The following KCNQ5 variants were observed in gnomAD, a reference collection of about 807,000 sequenced individuals.
The protein encoded by KCNQ5 is potassium voltage-gated channel subfamily Q member 5.
Under a neutral mutation model 98.2 loss-of-function variants are expected in KCNQ5, and 30 were observed. The ratio of observed to expected loss-of-function variants is 0.31; its 90% confidence interval spans 0.23 to 0.41. The LOEUF is 0.41. Among genes scored for constraint, KCNQ5 ranks in the 10% least tolerant of loss-of-function variants. KCNQ5 has a pLI of 1.00. For synonymous variants in KCNQ5, 458 were observed against 449.4 expected (o/e 1.02, Z -0.24); for missense variants, 835 against 1,182.5 (o/e 0.71, Z 4.31).
chr6:72,717,999 G>A (rs1378442566), intron 1 of KCNQ5, among the ~76,000 whole-genome samples: 1 of 152,036 alleles, frequency 6.6e-6, no homozygotes, highest in African/African-American at 2.4e-5. Context: ...AACATCATAT[G>A]CCAGTCATTA....
chr6:73,159,590 CA>C (rs1777528410), intron 10 of KCNQ5, among the ~76,000 whole-genome samples: 1 of 152,088 alleles, frequency 6.6e-6, no homozygotes, highest in African/African-American at 2.4e-5. Flanking sequence ...CAAAGTGTAC[CA>C]AATTCATGTC....
At chr6:72,910,826 CTA>C (rs2150205228) in intron 1 of KCNQ5, among the ~76,000 whole-genome samples, 1 of 152,244 alleles carries the variant, frequency 6.6e-6, no homozygotes, top group Admixed American at 6.5e-5. Context: ...GGTACTCACT[CTA>C]TGAGCAGCAC....
chr6:73,104,339 A>G (rs1289311721), intron 5 of KCNQ5, among the ~76,000 whole-genome samples: 1 of 152,200 alleles, frequency 6.6e-6, no homozygotes, highest in African/African-American at 2.4e-5. Context: ...CAAGAGAGCA[A>G]TCCCATTTAC....
chr6:72,866,923 A>G (rs1778011334), intron 1 of KCNQ5, among the ~76,000 whole-genome samples: 2 of 152,200 alleles, frequency 1.3e-5, no homozygotes, highest in African/African-American at 4.8e-5. Context: ...CTTTATCTGC[A>G]TGAGCTCAAA....
At chr6:72,910,513 A>G (rs950801502) in intron 1 of KCNQ5, among the ~76,000 whole-genome samples, 2 of 151,878 alleles carry the variant, frequency 1.3e-5, no homozygotes, top group Non-Finnish European at 2.9e-5. Context: ...ACATTCATAA[A>G]CCTAAACCTT....
intron 1 of KCNQ5, among the ~76,000 whole-genome samples, chr6:72,648,100 GTT>G (rs1765689735): frequency 6.6e-6 from 1 of 151,922 alleles, no homozygotes; most frequent in Non-Finnish European, 1.5e-5. Flanking sequence ...TGGTAATTAA[GTT>G]TGATAATTAT....
intron 1 of KCNQ5, among the ~76,000 whole-genome samples, chr6:72,938,190 GA>G (rs1766035708): frequency 6.6e-6 from 1 of 152,030 alleles, no homozygotes; most frequent in South Asian, 2.1e-4. Context: ...AGCATTTCCT[GA>G]GGCACTGGGG....
chr6:73,046,574 A>ATTTAT (rs535573247), intron 3 of KCNQ5, among the ~76,000 whole-genome samples: 2 of 148,838 alleles, frequency 1.3e-5, no homozygotes, highest in African/African-American at 5.0e-5. Flanking sequence ...TAATGTCCTT[A>ATTTAT]TTTATTTTAT....
At chr6:72,902,486 C>T (rs546431944) in intron 1 of KCNQ5, among the ~76,000 whole-genome samples, 4 of 152,176 alleles carry the variant, frequency 2.6e-5, no homozygotes, top group Admixed American at 2.0e-4. Flanking sequence ...GTTTGTCATA[C>T]ATGACTTTTA....
intron 1 of KCNQ5, among the ~76,000 whole-genome samples, chr6:72,771,684 G>GTT (rs1772897898): frequency 6.6e-6 from 1 of 150,540 alleles, no homozygotes. Context: ...GTGTGTGTGT[G>GTT]TATAACATCA....
At chr6:72,986,503 C>T in intron 1 of KCNQ5, 1 of 515,730 alleles carries the variant, frequency 1.9e-6, no homozygotes, top group Non-Finnish European at 3.5e-6. Context: ...AGAGCCACAT[C>T]CCCCTCTAAG....
chr6:73,173,776 C>T (rs1406282819), intron 11 of KCNQ5, among the ~76,000 whole-genome samples: 3 of 151,216 alleles, frequency 2.0e-5, no homozygotes, highest in Non-Finnish European at 4.4e-5. Context: ...ATGGTGAAAC[C>T]CTGTCTCTAA....
intron 1 of KCNQ5, among the ~76,000 whole-genome samples, chr6:72,834,159 G>A (rs1025577603): frequency 6.6e-6 from 1 of 152,022 alleles, no homozygotes; most frequent in Non-Finnish European, 1.5e-5. Flanking sequence ...TGTGAATTTT[G>A]GGGGTGGATA....
chr6:73,167,431 G>A (rs748952914), intron 10 of KCNQ5, among the ~76,000 whole-genome samples: 1 of 152,162 alleles, frequency 6.6e-6, no homozygotes, highest in Non-Finnish European at 1.5e-5. Flanking sequence ...GAGCCTCAGG[G>A]AACTGGATTC....
chr6:72,715,227 T>C (rs1272797553), intron 1 of KCNQ5, among the ~76,000 whole-genome samples: 1 of 152,176 alleles, frequency 6.6e-6, no homozygotes, highest in East Asian at 1.9e-4. Flanking sequence ...AATTGCAGGA[T>C]GAGGAGTAAT....
intron 1 of KCNQ5, among the ~76,000 whole-genome samples, chr6:72,836,898 ATT>A (rs1230724049): frequency 6.6e-6 from 1 of 152,128 alleles, no homozygotes; most frequent in Non-Finnish European, 1.5e-5. Context: ...ATGCATAGCA[ATT>A]TGTAAATACT....
chr6:72,782,973 T>C (rs908221881), intron 1 of KCNQ5, among the ~76,000 whole-genome samples: 1 of 152,164 alleles, frequency 6.6e-6, no homozygotes, highest in Non-Finnish European at 1.5e-5. Flanking sequence ...GTGGAAGCTG[T>C]AGGTAACTGA....
chr6:73,115,845 G>A (rs118163514), intron 7 of KCNQ5, among the ~76,000 whole-genome samples: 5 of 152,144 alleles, frequency 3.3e-5, no homozygotes, highest in African/African-American at 7.2e-5. Context: ...AAGAGATTCC[G>A]CACAGGAAAG....
chr6:72,680,851 A>G (rs1179563815), intron 1 of KCNQ5, among the ~76,000 whole-genome samples: 1 of 152,236 alleles, frequency 6.6e-6, no homozygotes, highest in East Asian at 1.9e-4. Context: ...GCTTTGTTGG[A>G]TTAGTCCTAA....
Sources: allele counts gnomAD v4.1 joint callset (sites outside exome capture counted in the v4.1 genomes callset), GRCh38; gene constraint gnomAD v4.1.1; transcripts MANE v1.5; gene names NCBI Gene and HGNC (gene_info 2026-07-23, HGNC 2026-07-21).